Variants in SCIN observed in about 807,000 individuals in gnomAD.
SCIN encodes scinderin, also known as adseverin.
A neutral mutation model predicts 91.8 loss-of-function variants in SCIN; 91 were observed. The ratio of observed to expected loss-of-function variants is 0.99; its 90% CI spans 0.84 to 1.18. The LOEUF (loss-of-function observed/expected upper bound fraction) is 1.18. SCIN is among the 50% of genes most tolerant of loss of function. The pLI is 0.00. For missense variants in SCIN, 1,087 were observed against 863.9 expected (o/e 1.26, Z -3.24); for synonymous variants, 367 against 312.6 (o/e 1.17, Z -1.84).
intron 3 of SCIN, among the ~76,000 whole-genome samples, chr7:12,586,062 C>T (rs1782580495): frequency 6.6e-6 from 1 of 152,156 alleles, no homozygotes; most frequent in South Asian, 2.1e-4. Context: ...TTTTATATTG[C>T]TTGTCCATTT....
At chr7:12,640,277 A>T (rs767137361) in intron 10 of SCIN, 70 bp from the exon 11 acceptor site, 43 of 1,325,504 alleles carry the variant, frequency 3.2e-5, no homozygotes, top group African/African-American at 6.1e-5. Flanking sequence ...ATAAGAACAC[A>T]TTTGGAACTA....
chr7:12,654,232 T>G lies in SCIN; in HGVS notation c.*1517T>G, dbSNP rs1784132619. ...GACTTACCACACAAATGGACTATGG[T>G]AGAAGCTGCTGTCCCTTAGTATTGA... On this transcript the variant is annotated 3_prime_UTR_variant, in exon 16 of 16. Transcript: ENST00000297029. 1 of 152,190 alleles carries G rather than the reference T, an allele frequency of 6.6e-6. No individual in the cohort carries two copies. Among genetic ancestry groups the G allele is most frequent in the South Asian group, 2.1e-4 (1 of 4,838 alleles). The allele number at this position is 152,190 out of a possible 1,614,324, so 9.4% of individuals were successfully genotyped here.
chr7:12,642,003 A>G (rs1783867749), intron 11 of SCIN, among the ~76,000 whole-genome samples: 1 of 151,814 alleles, frequency 6.6e-6, no homozygotes, highest in African/African-American at 2.4e-5. Context: ...TTATTTTTTA[A>G]GTTAATATTT....
Position 12,657,140 on chromosome 7 carries a change from T to G in SCIN, c.*4425T>G, listed in dbSNP as rs896625338. The G allele has an allele frequency of 6.7e-6, 1 of 149,306 alleles. No individual in the cohort carries two copies. The highest frequency in any genetic ancestry group is 1.5e-5 in the Non-Finnish European group (1 of 67,502). 9.2% of individuals were successfully genotyped at this position (149,306 alleles called of 1,614,324 possible). ...AAATGAACATACACATATCCTATAA[T>G]CCAGAAATCCCACTCCATGGTGTGT... On this transcript the variant is annotated 3_prime_UTR_variant, in exon 16 of 16. Transcript: ENST00000297029.
In SCIN at chr7:12,642,264, C is replaced by G. The variant is rs1783872993; in HGVS notation, c.1581+1747C>G. ...CCTCTTTTGCTTTCCTAAGGAATCT[C>G]CTGGATTTCTGTCTTTCCCGTGCAT... is the stretch of plus-strand genomic sequence containing the variant. On this transcript the variant is annotated intron_variant, in intron 11 of 15. Coordinates refer to ENST00000297029, the MANE Select transcript of SCIN (RefSeq NM_001112706.3). Among the ~76,000 whole-genome samples the G allele has an allele frequency of 4.6e-5, 7 of 152,196 alleles. 1 individual carries two copies. In the South Asian group the frequency reaches 1.5e-3, roughly 32 times the overall value.
intron 3 of SCIN, among the ~76,000 whole-genome samples, chr7:12,597,073 T>G (rs968602931): frequency 2.6e-5 from 4 of 152,312 alleles, no homozygotes; most frequent in Non-Finnish European, 2.9e-5. Flanking sequence ...ACAATATCTT[T>G]CAATACATAC....
chr7:12,602,666 T>A (rs182643372), intron 3 of SCIN, among the ~76,000 whole-genome samples: 7 of 152,280 alleles, frequency 4.6e-5, no homozygotes, highest in African/African-American at 1.4e-4. Context: ...GCGATATCTC[T>A]CCTACTTGCA....
At chr7:12,611,431 T>G (rs1783188983) in intron 4 of SCIN, among the ~76,000 whole-genome samples, 1 of 152,220 alleles carries the variant, frequency 6.6e-6, no homozygotes, top group South Asian at 2.1e-4. Context: ...AGTTTTTCTG[T>G]GGAAATGTTT....
At chr7:12,601,297 G>A (rs1349104504) in intron 3 of SCIN, among the ~76,000 whole-genome samples, 2 of 152,160 alleles carry the variant, frequency 1.3e-5, no homozygotes, top group African/African-American at 4.8e-5. Flanking sequence ...TAGTCACTCA[G>A]TAAACCATTT....
Position 12,640,466 on chromosome 7 carries a change from A to C in SCIN, c.1530A>C (p.Thr510=). ...KKGGQAPAPP[T]RLFQVRRNLA... ...GAGGTCAGGCACCTGCTCCCCCTAC[A>C]CGCCTCTTTCAAGTCCGGAGAAACC... is the stretch of plus-strand genomic sequence containing the variant. Residue 510 remains threonine, a synonymous_variant, in exon 11 of 16, where the codon ACA becomes ACC. Transcript: ENST00000297029. The C allele has an allele frequency of 6.2e-7, 1 of 1,613,138 alleles. No homozygotes were observed. The highest frequency in any genetic ancestry group is 8.5e-7 in the Non-Finnish European group (1 of 1,179,534).
At chr7:12,620,753 A>T (rs1316045418) in intron 4 of SCIN, among the ~76,000 whole-genome samples, 2 of 152,156 alleles carry the variant, frequency 1.3e-5, no homozygotes, top group African/African-American at 2.4e-5. Context: ...ATTGACACAA[A>T]TGGAGAATTG....
intron 5 of SCIN, among the ~76,000 whole-genome samples, chr7:12,624,608 A>G (rs7810203): frequency 6.4e-4 from 97 of 152,338 alleles, no homozygotes; most frequent in African/African-American, 2.3e-3. Flanking sequence ...ACTTGAAAAG[A>G]TTACTCTAAA....
intron 9 of SCIN, 26 bp downstream of exon 9, chr7:12,629,248 G>A (rs543549781): frequency 1.3e-5 from 20 of 1,583,334 alleles, no homozygotes; most frequent in Middle Eastern, 1.7e-4. Context: ...TAAAGATCTC[G>A]AGTTCCACAG....
chr7:12,658,607 T>C lies in SCIN; in HGVS notation c.*5892T>C, dbSNP rs764902156. 6.6e-6 allele frequency: 1 copy of C among 152,184 alleles called. No homozygotes were observed. Among genetic ancestry groups the C allele is most frequent in the South Asian group, 2.1e-4 (1 of 4,826 alleles). The allele number at this position is 152,184 out of a possible 1,614,324, so 9.4% of individuals were successfully genotyped here. On this transcript the variant is annotated 3_prime_UTR_variant, in exon 16 of 16. Coordinates refer to ENST00000297029, the MANE Select transcript of SCIN (RefSeq NM_001112706.3). Reference sequence around the variant, plus strand: ...AGGGAGGCAACTGATGTTGTTTGATTATCTCCATTATTTTGAAGGAGCCAG... The same window carrying C: ...AGGGAGGCAACTGATGTTGTTTGATCATCTCCATTATTTTGAAGGAGCCAG...
At chr7:12,645,035 A>AAC (rs1783933940) in intron 13 of SCIN, among the ~76,000 whole-genome samples, 1 of 121,456 alleles carries the variant, frequency 8.2e-6, no homozygotes, top group Non-Finnish European at 1.7e-5. Flanking sequence ...AAAAAAAAAA[A>AAC]AGGGCCGGGC....
At chr7:12,605,514 G>T (rs1354271068) in intron 4 of SCIN, among the ~76,000 whole-genome samples, 3 of 152,146 alleles carry the variant, frequency 2.0e-5, no homozygotes. Flanking sequence ...TCTTGGGGAT[G>T]GGAGTCAAGT....
intron 3 of SCIN, among the ~76,000 whole-genome samples, chr7:12,600,239 A>C (rs548950832): frequency 6.6e-6 from 1 of 152,324 alleles, no homozygotes; most frequent in South Asian, 2.1e-4. Context: ...TTCTAAGTGA[A>C]GTAACTCAGG....
rs753391760 is a variant in SCIN, at chr7:12,644,569, G to C, written c.1760-15G>C. ...CCCTGAAAATGCACTGGATAACTGA[G>C]TGTGTTTTCCACAGAGGAGTTCTGG... On this transcript the variant is annotated splice_polypyrimidine_tract_variant and intron_variant, in intron 12 of 15. Transcript: ENST00000297029. 22 of 1,612,442 alleles carry C rather than the reference G, an allele frequency of 1.4e-5. No homozygotes were observed. The African/African-American group carries it at 2.9e-4, about 22-fold the overall frequency.
In SCIN at chr7:12,604,670, T is replaced by C; in HGVS notation, c.666+7T>C. ...ACCCTCAGAACTTATAAAGGTATTG[T>C]GACTCCTGTTGTTTGTTAAAGGGTT... On this transcript the variant is annotated splice_region_variant and intron_variant, in intron 4 of 15. Coordinates refer to ENST00000297029, the MANE Select transcript of SCIN (RefSeq NM_001112706.3). The C allele has an allele frequency of 6.4e-7, 1 of 1,551,180 alleles. No homozygotes were observed. The highest frequency in any genetic ancestry group is 8.7e-7 in the Non-Finnish European group (1 of 1,146,556).
Sources: gnomAD v4.1 joint callset for allele counts (sites outside exome capture counted in the v4.1 genomes callset) on GRCh38, gnomAD v4.1.1 for gene constraint, MANE v1.5 for transcripts, NCBI Gene and HGNC (gene_info 2026-07-23, HGNC 2026-07-21) for gene names.